Variants in GLCCI1 observed in about 807,000 individuals in gnomAD.
GLCCI1 encodes the protein glucocorticoid induced 1.
In GLCCI1, 24 loss-of-function variants were observed where a neutral mutation model predicts 52.2. The ratio of observed to expected loss-of-function variants is 0.46; its 90% confidence interval spans 0.33 to 0.65. GLCCI1 has a LOEUF of 0.65. GLCCI1 is among the 30% of genes least tolerant of loss of function. The probability of loss-of-function intolerance (pLI) is 0.02; values close to 1 mark genes in which losing one functional copy is unlikely to be tolerated. For missense variants in GLCCI1, 704 were observed against 701.5 expected, an observed-to-expected ratio of 1.00 and a Z score of -0.04; for synonymous variants, 310 against 276.5, an observed-to-expected ratio of 1.12 and a Z score of -1.20.
chr7:7,985,577 C>T (rs1362313847), intron 1 of GLCCI1, among the ~76,000 whole-genome samples: 1 of 151,992 alleles, frequency 6.6e-6, no homozygotes, highest in Non-Finnish European at 1.5e-5. Context: ...TAGACATATT[C>T]CTGAATGTCT....
intron 1 of GLCCI1, among the ~76,000 whole-genome samples, chr7:7,996,365 C>A (rs1429924245): frequency 1.3e-5 from 2 of 151,538 alleles, no homozygotes; most frequent in Non-Finnish European, 2.9e-5. Context: ...ATCATTCTGC[C>A]ACCTCCCAAA....
intron 2 of GLCCI1, among the ~76,000 whole-genome samples, chr7:8,009,869 A>G (rs1781229107): frequency 6.6e-6 from 1 of 151,654 alleles, no homozygotes; most frequent in Non-Finnish European, 1.5e-5. Flanking sequence ...TTTTCAAAAG[A>G]TTCAGTGTGG....
chr7:8,021,959 T>C (rs1210786595), intron 2 of GLCCI1, among the ~76,000 whole-genome samples: 1 of 152,216 alleles, frequency 6.6e-6, no homozygotes, highest in Admixed American at 6.5e-5. Context: ...TTATAATAAC[T>C]TTATGTGTTT....
At chr7:8,006,773 G>A (rs969160636) in intron 2 of GLCCI1, among the ~76,000 whole-genome samples, 2 of 152,092 alleles carry the variant, frequency 1.3e-5, no homozygotes, top group African/African-American at 4.8e-5. Context: ...ATGTCCACAT[G>A]GGGCAGGCCC....
At chr7:8,078,741 G>A (rs1475937166) in intron 6 of GLCCI1, 2 of 152,318 alleles carry the variant, frequency 1.3e-5, no homozygotes, top group Middle Eastern at 3.4e-3. Flanking sequence ...CCAATTAGAT[G>A]TATGAGGTGA....
chr7:8,086,723 A>T lies in GLCCI1; in HGVS notation c.*185A>T, dbSNP rs970904529. ...CTATTCAGCAGTTTTTGTGGAAAGC[A>T]GTAATGCTTGCAAAACGTGTGTGTC... On this transcript the variant is annotated 3_prime_UTR_variant, in exon 8 of 8. Coordinates refer to ENST00000223145, the MANE Select transcript of GLCCI1 (RefSeq NM_138426.4). The surrounding 1 kb of genome is among the most constrained non-coding windows in gnomAD (Gnocchi z 4.4). The T allele has an allele frequency of 1.7e-6, 1 of 583,550 alleles. No individual in the cohort carries two copies. The highest frequency in any genetic ancestry group is 3.0e-6 in the Non-Finnish European group (1 of 335,044). 36.1% of individuals were successfully genotyped at this position (583,550 alleles called of 1,614,324 possible).
intron 2 of GLCCI1, among the ~76,000 whole-genome samples, chr7:8,021,841 A>C (rs1304718953): frequency 6.6e-6 from 1 of 152,232 alleles, no homozygotes; most frequent in African/African-American, 2.4e-5. Flanking sequence ...TTAGATAAAA[A>C]TGATTCTGTT....
At chr7:8,079,537 T>C (rs1022303038) in intron 6 of GLCCI1, among the ~76,000 whole-genome samples, 8 of 151,570 alleles carry the variant, frequency 5.3e-5, no homozygotes, top group Non-Finnish European at 7.4e-5. Flanking sequence ...GTTGTTTTCA[T>C]TTTTAATTGT....
intron 1 of GLCCI1, among the ~76,000 whole-genome samples, chr7:8,001,737 A>G (rs923294193): frequency 3.3e-5 from 5 of 152,366 alleles, no homozygotes; most frequent in Admixed American, 2.0e-4. Context: ...GATTAAGAAA[A>G]TGTGGCATAT....
At chr7:8,036,139 T>A (rs1301490330) in intron 3 of GLCCI1, among the ~76,000 whole-genome samples, 3 of 152,160 alleles carry the variant, frequency 2.0e-5, no homozygotes, top group African/African-American at 7.2e-5. Flanking sequence ...CACAACCCAA[T>A]ACAAAATCTG....
intron 3 of GLCCI1, among the ~76,000 whole-genome samples, chr7:8,040,525 AACACACACACACACACACACAC>A (rs58561376): frequency 6.9e-6 from 1 of 145,210 alleles, no homozygotes; most frequent in African/African-American, 2.5e-5. Context: ...AGATATAATT[AACACACACACACACACACACAC>A]ACACACACAC....
intron 3 of GLCCI1, among the ~76,000 whole-genome samples, chr7:8,036,108 A>G (rs1450574821): frequency 6.6e-6 from 1 of 152,200 alleles, no homozygotes; most frequent in East Asian, 1.9e-4. Flanking sequence ...AGCACCACCT[A>G]TTGGTCTGTA....
chr7:8,046,418 T>C (rs573886939), intron 3 of GLCCI1, among the ~76,000 whole-genome samples: 1 of 152,284 alleles, frequency 6.6e-6, no homozygotes, highest in Admixed American at 6.5e-5. Context: ...CCTTTTGGAA[T>C]TTGGGAAAAA....
At chr7:8,060,401 A>G (rs1255844254) in intron 5 of GLCCI1, among the ~76,000 whole-genome samples, 153 bp downstream of exon 5, 1 of 152,210 alleles carries the variant, frequency 6.6e-6, no homozygotes, top group Non-Finnish European at 1.5e-5. Flanking sequence ...TAACAGATTC[A>G]GAGTTATACA....
intron 1 of GLCCI1, among the ~76,000 whole-genome samples, chr7:7,985,792 G>A (rs997796284): frequency 6.6e-5 from 10 of 152,130 alleles, no homozygotes; most frequent in African/African-American, 2.2e-4. Context: ...GTTTTAGAAT[G>A]GCAATCCTGT....
chr7:8,035,962 T>C (rs979009498), intron 3 of GLCCI1, among the ~76,000 whole-genome samples: 3 of 152,166 alleles, frequency 2.0e-5, no homozygotes, highest in Non-Finnish European at 4.4e-5. Flanking sequence ...TTTGTCCCCA[T>C]CAGGGGCTGA....
intron 3 of GLCCI1, chr7:8,024,672 A>C (rs1423293959): frequency 6.6e-6 from 1 of 152,256 alleles, no homozygotes; most frequent in Non-Finnish European, 1.5e-5. Flanking sequence ...ACTCTTAAAA[A>C]GGAATGACTG....
At chr7:8,003,542 A>G (rs988594563) in intron 1 of GLCCI1, among the ~76,000 whole-genome samples, 12 of 152,214 alleles carry the variant, frequency 7.9e-5, no homozygotes, top group Non-Finnish European at 5.9e-5. Flanking sequence ...CTATTTGGGT[A>G]TGACACTGTA....
At chr7:7,974,215 C>A (rs191420136) in intron 1 of GLCCI1, among the ~76,000 whole-genome samples, 1 of 152,154 alleles carries the variant, frequency 6.6e-6, no homozygotes, top group African/African-American at 2.4e-5. Context: ...CCTAAAATTT[C>A]TAGATCAATC....
Sources: allele counts gnomAD v4.1 joint callset (sites outside exome capture counted in the v4.1 genomes callset), GRCh38; gene constraint gnomAD v4.1.1; non-coding constraint Gnocchi (gnomAD v3.1); transcripts MANE v1.5; gene names NCBI Gene and HGNC (gene_info 2026-07-23, HGNC 2026-07-21).